Variants in PDE1C observed in about 807,000 individuals in gnomAD.
PDE1C encodes phosphodiesterase 1C, also known as dual specificity calcium/calmodulin-dependent 3',5'-cyclic nucleotide phosphodiesterase 1C.
PDE1C carries 62 observed loss-of-function variants against 93.1 expected under a neutral mutation model. The observed-to-expected ratio is 0.67, with a 90% CI of 0.54 to 0.82. The LOEUF is 0.82. PDE1C is among the 40% of genes least tolerant of loss of function. The pLI is 0.00. For missense variants in PDE1C, 742 were observed against 884.6 expected, an observed-to-expected ratio of 0.84 and a Z score of 2.04; for synonymous variants, 325 against 310.1, an observed-to-expected ratio of 1.05 and a Z score of -0.50.
intron 2 of PDE1C, among the ~76,000 whole-genome samples, chr7:31,916,944 A>G (rs1408819938): frequency 2.6e-5 from 4 of 152,164 alleles, no homozygotes; most frequent in Non-Finnish European, 5.9e-5. Context: ...GGGGTTTGAC[A>G]TTGCTATTCT....
At chr7:32,316,361 G>GTTTAT (rs1783173187) in intron 1 of PDE1C, among the ~76,000 whole-genome samples, 1 of 152,132 alleles carries the variant, frequency 6.6e-6, no homozygotes, top group East Asian at 1.9e-4. Flanking sequence ...CACATCTGCC[G>GTTTAT]TCTAAAGACT....
At chr7:32,139,630 T>A (rs1001732310) in intron 3 of PDE1C, among the ~76,000 whole-genome samples, 1 of 152,152 alleles carries the variant, frequency 6.6e-6, no homozygotes, top group South Asian at 2.1e-4. Flanking sequence ...AGGAGACTGA[T>A]GCTTCCAAGC....
the PDE1C span, among the ~76,000 whole-genome samples, chr7:31,683,659 C>T: frequency 7.2e-5 from 11 of 152,242 alleles, no homozygotes; most frequent in African/African-American, 2.6e-4. Context: ...ATATTCAGTG[C>T]TCTCTCTTCC....
intron 1 of PDE1C, among the ~76,000 whole-genome samples, chr7:32,404,376 T>C (rs1290341655): frequency 6.6e-6 from 1 of 152,148 alleles, no homozygotes; most frequent in African/African-American, 2.4e-5. Context: ...GTTTTGGTTT[T>C]TGAGAAAGAG....
chr7:32,423,697 C>T (rs1220845197), intron 1 of PDE1C, among the ~76,000 whole-genome samples: 2 of 151,982 alleles, frequency 1.3e-5, no homozygotes, highest in African/African-American at 4.8e-5. Context: ...TTCACCAAGA[C>T]TCACAGAAGA....
intron 1 of PDE1C, among the ~76,000 whole-genome samples, chr7:32,227,289 A>G (rs1317845640): frequency 6.6e-6 from 1 of 152,216 alleles, no homozygotes; most frequent in African/African-American, 2.4e-5. Flanking sequence ...CAGGGGGCAC[A>G]GAGAAGGGAA....
chr7:32,337,732 G>A (rs925984198), intron 1 of PDE1C, among the ~76,000 whole-genome samples: 16 of 151,526 alleles, frequency 1.1e-4, no homozygotes, highest in African/African-American at 3.9e-4. Context: ...GAAAGGAGGG[G>A]GGAGAAGAAA....
At chr7:31,790,867 T>G (rs1455768928) in intron 16 of PDE1C, among the ~76,000 whole-genome samples, 1 of 152,130 alleles carries the variant, frequency 6.6e-6, no homozygotes. Context: ...GTATTTCTTT[T>G]CAACTGGCAT....
chr7:31,670,566 A>T, the PDE1C span, among the ~76,000 whole-genome samples: 1 of 152,144 alleles, frequency 6.6e-6, no homozygotes, highest in South Asian at 2.1e-4. Context: ...TGGATTCTAA[A>T]AAGGTTGAAG....
chr7:32,019,150 T>TA (rs75146295), intron 2 of PDE1C, among the ~76,000 whole-genome samples: 5,129 of 118,744 alleles, frequency 0.043, 243 homozygotes, highest in African/African-American at 0.13. Context: ...TATGTTGTTT[T>TA]AAAAAAAAAA....
At chr7:32,119,006 G>C (rs1799141134) in intron 3 of PDE1C, among the ~76,000 whole-genome samples, 1 of 152,146 alleles carries the variant, frequency 6.6e-6, no homozygotes, top group South Asian at 2.1e-4. Flanking sequence ...GTGTGGGAGG[G>C]TGCCCAAGGC....
chr7:31,874,711 G>A (rs1562954587), intron 5 of PDE1C, among the ~76,000 whole-genome samples: 1 of 152,204 alleles, frequency 6.6e-6, no homozygotes, highest in Non-Finnish European at 1.5e-5. Flanking sequence ...ACACTTAGTG[G>A]TAACCTCACT....
At chr7:31,950,677 C>T (rs1042056214) in intron 2 of PDE1C, among the ~76,000 whole-genome samples, 2 of 152,100 alleles carry the variant, frequency 1.3e-5, no homozygotes, top group African/African-American at 4.8e-5. Flanking sequence ...TTAAGTAAAC[C>T]GTTCACAATC....
intron 7 of PDE1C, 76 bp downstream of exon 7, chr7:31,864,866 C>A: frequency 1.4e-6 from 2 of 1,428,500 alleles, no homozygotes; most frequent in Non-Finnish European, 1.9e-6. Context: ...TCCACCTCAT[C>A]AGAATTGGAA....
intron 1 of PDE1C, among the ~76,000 whole-genome samples, chr7:32,395,748 G>A (rs962601748): frequency 2.6e-5 from 4 of 152,146 alleles, no homozygotes; most frequent in Admixed American, 6.5e-5. Context: ...TGATCTTCAC[G>A]AGTAGCAGAC....
intron 5 of PDE1C, among the ~76,000 whole-genome samples, chr7:31,876,840 A>G (rs1796656595): frequency 2.6e-5 from 4 of 152,168 alleles, no homozygotes; most frequent in African/African-American, 9.7e-5. Flanking sequence ...GAAGAGACGG[A>G]AAGGGTAGAG....
chr7:31,746,597 GCTGA>G (rs1383874027), downstream of PDE1C, among the ~76,000 whole-genome samples: 1 of 152,168 alleles, frequency 6.6e-6, no homozygotes, highest in African/African-American at 2.4e-5. Flanking sequence ...GGATTCCATT[GCTGA>G]CTTTCTATAA....
chr7:31,944,311 C>T (rs1176544028), intron 2 of PDE1C, among the ~76,000 whole-genome samples: 1 of 152,200 alleles, frequency 6.6e-6, no homozygotes, highest in East Asian at 1.9e-4. Context: ...TGTGGTTGAA[C>T]ACCCGCAATC....
chr7:31,653,843 T>C, the PDE1C span, among the ~76,000 whole-genome samples: 1 of 152,082 alleles, frequency 6.6e-6, no homozygotes, highest in Non-Finnish European at 1.5e-5. Context: ...CCGATTTAGA[T>C]CAATGTTCAG....
Sources: allele counts gnomAD v4.1 joint callset (sites outside exome capture counted in the v4.1 genomes callset), GRCh38; gene constraint gnomAD v4.1.1; transcripts MANE v1.5; gene names NCBI Gene and HGNC (gene_info 2026-07-23, HGNC 2026-07-21).